Variants in GLRX2 observed in about 807,000 individuals in gnomAD.
GLRX2 encodes glutaredoxin 2.
In GLRX2, 12 loss-of-function variants were observed where a neutral mutation model predicts 16.4. The observed-to-expected ratio is 0.73, with a 90% CI of 0.47 to 1.19. The LOEUF (loss-of-function observed/expected upper bound fraction) is 1.19, where lower values mean the gene tolerates loss of function less well. Among genes scored for constraint, GLRX2 ranks in the 50% most tolerant of loss-of-function variants. GLRX2 has a pLI of 0.00. For missense variants in GLRX2, 201 were observed against 201.8 expected (o/e 1.00, Z 0.02); for synonymous variants, 95 against 76.2 (o/e 1.25, Z -1.28).
Position 193,096,706 on chromosome 1 carries a change from A to G in GLRX2, c.414T>C (p.His138=), listed in dbSNP as rs560139641. The G allele has an allele frequency of 2.5e-6, 4 of 1,608,996 alleles. No individual in the cohort carries two copies. The highest frequency in any genetic ancestry group is 2.2e-5 in the East Asian group (1 of 44,792). Residue 138 remains histidine, a synonymous_variant, in exon 4 of 4, where the codon CAT becomes CAC. Coordinates refer to ENST00000367439, the MANE Select transcript of GLRX2 (RefSeq NM_197962.3). ...GCAATTTTCCTTCTTTGTGAAGCCT[A>G]TGAGTGTCAGTTGCACCTCCAATAA... ...GTFIGGATDT[H]RLHKEGKLLP...
intron 1 of GLRX2, 104 bp from the exon 2 acceptor site, chr1:193,101,308 C>T (rs1675072178): frequency 6.6e-6 from 5 of 761,602 alleles, no homozygotes; most frequent in Middle Eastern, 2.5e-4. Flanking sequence ...TATAGCCAAA[C>T]TTACAAAATA....
rs1674967021 is a variant in GLRX2 at position 193,096,749 on chromosome 1, A to ATT, written c.369_370dup (p.Ile124LysfsTer27). 3 of 1,609,184 alleles carry ATT rather than the reference A, an allele frequency of 1.9e-6. No individual in the cohort carries two copies. The highest frequency in any genetic ancestry group is 1.7e-6 in the Non-Finnish European group (2 of 1,178,002). On this transcript the variant is annotated frameshift_variant, in exon 4 of 4. Transcript: ENST00000367439. LOFTEE classifies it high-confidence loss of function. ...TCCAATAAAAGTACCATTGACAAAT[A>ATT]TTCTTGGAACCTGTTGGACAAACAA... is the stretch of plus-strand genomic sequence containing the variant.
chr1:193,101,112 GT>G, intron 2 of GLRX2, 28 bp downstream of exon 2: 1 of 1,507,218 alleles, frequency 6.6e-7, no homozygotes. Context: ...ACAGAGGAAA[GT>G]TTTTCAATCA....
chr1:193,105,070 C>A (rs1675158530), intron 1 of GLRX2, among the ~76,000 whole-genome samples, 194 bp downstream of exon 1: 2 of 152,358 alleles, frequency 1.3e-5, no homozygotes, highest in South Asian at 4.1e-4. Context: ...CTCCTGAAGT[C>A]AGCACAGCCG....
upstream of GLRX2, chr1:193,105,522 C>G (rs774481041): frequency 8.4e-6 from 13 of 1,556,336 alleles, no homozygotes; most frequent in South Asian, 1.5e-4. Flanking sequence ...GTCACCTCCT[C>G]GCAGCTGAGC....
chr1:193,097,998 A>C (rs1002452439), intron 2 of GLRX2, among the ~76,000 whole-genome samples: 12 of 152,212 alleles, frequency 7.9e-5, no homozygotes, highest in Non-Finnish European at 1.6e-4. Context: ...TAATAATTGT[A>C]GCCAATTCAT....
Position 193,097,652 on chromosome 1 carries a change from C to G in GLRX2, c.292G>C (p.Glu98Gln). 3.7e-6 allele frequency: 6 copies of G among 1,613,486 alleles called. No individual in the cohort carries two copies. Among genetic ancestry groups the G allele is most frequent in the Non-Finnish European group, 5.1e-6 (6 of 1,179,646 alleles). The change falls in exon 3 of 4, where the codon GAA (glutamate) becomes CAA (glutamine). Residue 98 changes from glutamate to glutamine, a missense_variant. Glu to Gln is a conservative substitution (Grantham distance 29, BLOSUM62 2). Coordinates refer to ENST00000367439, the MANE Select transcript of GLRX2 (RefSeq NM_197962.3). The stretch of plus-strand genomic sequence containing the variant: ...TTTCCATATTCAAGCAGGTCCAGTT[C>G]CACCACTTTATAGTTAACATTCATG... ...HDMNVNYKVV[E>Q]LDLLEYGNQF... is the part of the protein sequence containing the mutation.
At chr1:193,104,524 T>C (rs966653251) in intron 1 of GLRX2, among the ~76,000 whole-genome samples, 5 of 152,306 alleles carry the variant, frequency 3.3e-5, no homozygotes, top group East Asian at 1.9e-4. Flanking sequence ...GCAAAACTGA[T>C]AGAAGCTCCC....
At chr1:193,099,701 T>A (rs186095716) in intron 2 of GLRX2, among the ~76,000 whole-genome samples, 83 of 152,284 alleles carry the variant, frequency 5.5e-4, no homozygotes, top group African/African-American at 1.9e-3. Context: ...CCAGAAAGTA[T>A]AAGACCCATG....
chr1:193,097,714 C>G lies in GLRX2; in HGVS notation c.230G>C (p.Cys77Ser). 6.2e-7 allele frequency: 1 copy of G among 1,602,250 alleles called. No homozygotes were observed. Among genetic ancestry groups the G allele is most frequent in the South Asian group, 1.1e-5 (1 of 87,992 alleles). ...CTTTTTTGCCATTGTACAGTAAGAA[C>G]AGGATGTTTTTGAGAAAATCACCAC... is the stretch of plus-strand genomic sequence containing the variant. ...NCVVIFSKTSCSYCTMAKKLF... is the reference protein window; with the variant it reads ...NCVVIFSKTSSSYCTMAKKLF... Residue 77 changes from cysteine to serine, a missense_variant, in exon 3 of 4, where the codon TGT becomes TCT. Physicochemically the swap from Cys to Ser is moderately radical, Grantham distance 112. Transcript: ENST00000367439.
intron 2 of GLRX2, among the ~76,000 whole-genome samples, chr1:193,098,263 G>A (rs894081336): frequency 1.1e-4 from 16 of 152,044 alleles, no homozygotes; most frequent in African/African-American, 2.9e-4. Flanking sequence ...TTTTTCAGCC[G>A]GGTACAGTGG....
upstream of GLRX2, chr1:193,105,615 C>T (rs772251614): frequency 1.2e-6 from 2 of 1,604,834 alleles, no homozygotes; most frequent in Non-Finnish European, 1.7e-6. Flanking sequence ...AGAAGCGGCT[C>T]ACTTGCTTAT....
intron 2 of GLRX2, among the ~76,000 whole-genome samples, chr1:193,099,486 A>G (rs1447669911): frequency 2.0e-5 from 3 of 152,244 alleles, no homozygotes; most frequent in African/African-American, 7.2e-5. Flanking sequence ...GACTACAGAC[A>G]TGTGTCACCA....
At chr1:193,105,088 C>T (rs984964889) in intron 1 of GLRX2, 176 bp downstream of exon 1, 3 of 617,648 alleles carry the variant, frequency 4.9e-6, no homozygotes, top group Non-Finnish European at 6.1e-6. Flanking sequence ...CCGCGGAGGG[C>T]ACCCTTCCCT....
At chr1:193,102,970 A>G (rs920025203) in intron 1 of GLRX2, among the ~76,000 whole-genome samples, 43 of 152,256 alleles carry the variant, frequency 2.8e-4, no homozygotes, top group African/African-American at 1.0e-3. Context: ...GACCAGATCG[A>G]CTGTCACAGT....
chr1:193,096,687 T>C lies in GLRX2; in HGVS notation c.433A>G (p.Lys145Glu). ...CACTGATGAACTAGTGGGAGCAATT[T>C]TCCTTCTTTGTGAAGCCTATGAGTG... Reference protein sequence around the residue: ...TDTHRLHKEGKLLPLVHQCYL... With the variant: ...TDTHRLHKEGELLPLVHQCYL... Residue 145 changes from lysine (K) to glutamate (E), a missense_variant, in exon 4 of 4, where the codon AAA becomes GAA. Coordinates refer to ENST00000367439, the MANE Select transcript of GLRX2 (RefSeq NM_197962.3). 1.2e-6 allele frequency: 2 copies of C among 1,606,524 alleles called. No individual in the cohort carries two copies. Among genetic ancestry groups the C allele is most frequent in the Non-Finnish European group, 1.7e-6 (2 of 1,173,430 alleles).
In GLRX2 at chr1:193,101,166, G is replaced by C. The variant is rs764623308; in HGVS notation, c.158C>G (p.Ala53Gly). ...TTGGATCTGGTTCACAGGCGCCGTCGCTAAATTCTCCAAAGATGATGATGT... is the reference window on the plus strand; with the variant it reads ...TTGGATCTGGTTCACAGGCGCCGTCCCTAAATTCTCCAAAGATGATGATGT... Reference protein sequence around the residue: ...SNTSSSLENLATAPVNQIQET... With the variant: ...SNTSSSLENLGTAPVNQIQET... The change falls in exon 2 of 4, where the codon GCG becomes GGG. Residue 53 changes from alanine to glycine, a missense_variant. Physicochemically the swap from Ala to Gly is moderately conservative, Grantham distance 60. Transcript: ENST00000367439. The C allele has an allele frequency of 1.2e-6, 2 of 1,611,116 alleles. No individual in the cohort carries two copies. Among genetic ancestry groups the C allele is most frequent in the Admixed American group, 3.3e-5 (2 of 59,998 alleles).
Position 193,099,561 on chromosome 1 carries a change from G to A in GLRX2, c.183+1580C>T, listed in dbSNP as rs541520374. On this transcript the variant is annotated intron_variant, in intron 2 of 3. Coordinates refer to ENST00000367439, the MANE Select transcript of GLRX2 (RefSeq NM_197962.3). Reference sequence around the variant, plus strand: ...TGCCCAAGCTGGTGTTGAACTCCTAGGCTCAAGCAATCTACCTGCCTCGGC... The same window carrying A: ...TGCCCAAGCTGGTGTTGAACTCCTAAGCTCAAGCAATCTACCTGCCTCGGC... Among the ~76,000 whole-genome samples, 15 of 152,160 alleles carry A rather than the reference G, an allele frequency of 9.9e-5. No homozygotes were observed. The East Asian group carries it at 1.9e-3, about 20-fold the overall frequency.
intron 2 of GLRX2, among the ~76,000 whole-genome samples, chr1:193,100,863 G>A (rs1017202321): frequency 6.6e-6 from 1 of 152,212 alleles, no homozygotes; most frequent in Non-Finnish European, 1.5e-5. Flanking sequence ...TAGACCTCAA[G>A]TGGGTATGAT....
Sources: gnomAD v4.1 joint callset for allele counts (sites outside exome capture counted in the v4.1 genomes callset) on GRCh38, gnomAD v4.1.1 for gene constraint, MANE v1.5 for transcripts, NCBI Gene and HGNC (gene_info 2026-07-23, HGNC 2026-07-21) for gene names.